MEGF9: variants seen among roughly 807,000 people sequenced by gnomAD.
The protein encoded by MEGF9 is multiple EGF like domains 9.
MEGF9 carries 6 observed loss-of-function variants against 46.8 expected under a neutral mutation model. That is an observed-to-expected ratio of 0.13 (90% CI 0.07 to 0.25). The LOEUF (loss-of-function observed/expected upper bound fraction) is 0.25, where lower values mean the gene tolerates loss of function less well. MEGF9 is among the 10% of genes least tolerant of loss of function. The pLI, the probability that MEGF9 is intolerant of heterozygous loss-of-function variation, is 1.00. For synonymous variants in MEGF9, 302 were observed against 330.7 expected (o/e 0.91, Z 0.94); for missense variants, 683 against 792.4 (o/e 0.86, Z 1.66).
chr9:120,690,820 A>G (rs950561791), intron 1 of MEGF9, among the ~76,000 whole-genome samples: 2 of 152,200 alleles, frequency 1.3e-5, no homozygotes, highest in Non-Finnish European at 2.9e-5. Flanking sequence ...GGAGGAGGGA[A>G]GTACTTTAAA....
At chr9:120,676,452 AT>A (rs896986987) in intron 1 of MEGF9, among the ~76,000 whole-genome samples, 48 of 151,764 alleles carry the variant, frequency 3.2e-4, no homozygotes, top group Admixed American at 8.5e-4. Flanking sequence ...TACAACTGTG[AT>A]TTTTTTTTCC....
chr9:120,714,254 G>C lies in MEGF9; in HGVS notation c.105C>G (p.Ala35=). 8.2e-7 allele frequency: 1 copy of C among 1,213,492 alleles called. No homozygotes were observed. Among genetic ancestry groups the C allele is most frequent in the Non-Finnish European group, 1.0e-6 (1 of 986,058 alleles). 75.2% of individuals were successfully genotyped at this position (1,213,492 alleles called of 1,614,324 possible). Reference sequence around the variant, plus strand: ...CACCGGTGACATTCCCCGCCGAGGCGGCTGAGGCGACGGCGGCGGCGGCGG... The same window carrying C: ...CACCGGTGACATTCCCCGCCGAGGCCGCTGAGGCGACGGCGGCGGCGGCGG... ...AAAAAAAVAS[A]ASAGNVTGGG... Residue 35 remains alanine, a synonymous_variant, in exon 1 of 6, where the codon GCC becomes GCG. Coordinates refer to ENST00000373930, the MANE Select transcript of MEGF9 (RefSeq NM_001080497.3).
In MEGF9 at chr9:120,651,556, A is replaced by G. The variant is rs370104760; in HGVS notation, c.803+7818T>C. 2.3e-4 allele frequency among the ~76,000 whole-genome samples: 35 copies of G among 152,316 alleles called. No individual in the cohort carries two copies. The East Asian group carries it at 5.2e-3, about 23-fold the overall frequency. On this transcript the variant is annotated intron_variant, in intron 2 of 5. Transcript: ENST00000373930. ...GTTGCTATGAAAATTACATAAATTA[A>G]TAACTGCAAAGGGCTTAGGATAATG... is the stretch of plus-strand genomic sequence containing the variant.
At chr9:120,700,507 C>T (rs1029024098) in intron 1 of MEGF9, among the ~76,000 whole-genome samples, 1 of 152,108 alleles carries the variant, frequency 6.6e-6, no homozygotes, top group Non-Finnish European at 1.5e-5. Context: ...TGATAAAACA[C>T]ACTGTAGGAT....
chr9:120,620,704 G>C (rs2043495613), intron 3 of MEGF9, among the ~76,000 whole-genome samples: 1 of 152,006 alleles, frequency 6.6e-6, no homozygotes, highest in Non-Finnish European at 1.5e-5. Context: ...AACCATTCTT[G>C]GCAGAGGAAA....
At chr9:120,620,631 G>A (rs568340058) in intron 3 of MEGF9, among the ~76,000 whole-genome samples, 3 of 152,232 alleles carry the variant, frequency 2.0e-5, no homozygotes, top group Non-Finnish European at 4.4e-5. Flanking sequence ...TTGACGACTC[G>A]AGGGAAGAAT....
chr9:120,659,502 C>G lies in MEGF9; in HGVS notation c.675G>C (p.Glu225Asp). The G allele has an allele frequency of 2.5e-6, 4 of 1,613,838 alleles. No homozygotes were observed. Among genetic ancestry groups the G allele is most frequent in the Non-Finnish European group, 3.4e-6 (4 of 1,179,830 alleles). Residue 225 changes from glutamate (E) to aspartate (D), a missense_variant, in exon 2 of 6, where the codon GAG (glutamate) becomes GAC (aspartate). Around this residue, in one of 2 missense-constraint regions of MEGF9, gnomAD observed 370 missense variants for 371.3 expected, o/e 1.00. Coordinates refer to ENST00000373930, the MANE Select transcript of MEGF9 (RefSeq NM_001080497.3). ...NRCNQTTGQC[E>D]CRPGYQGLHC... The stretch of plus-strand genomic sequence containing the variant: ...GAAGCCCCTGATAACCTGGCCGACA[C>G]TCACACTGCCCTGTGGTCTGGTTGC...
At chr9:120,621,037 G>C (rs893040586) in intron 3 of MEGF9, among the ~76,000 whole-genome samples, 5 of 151,754 alleles carry the variant, frequency 3.3e-5, no homozygotes, top group African/African-American at 4.8e-5. Flanking sequence ...TGTTTGTTTG[G>C]GAAAAAAAAT....
chr9:120,648,706 A>T (rs1331339311), intron 2 of MEGF9, among the ~76,000 whole-genome samples: 1 of 152,226 alleles, frequency 6.6e-6, no homozygotes, highest in Non-Finnish European at 1.5e-5. Flanking sequence ...CTAGTGATCA[A>T]ATAACCTTTT....
intron 1 of MEGF9, among the ~76,000 whole-genome samples, chr9:120,692,481 A>G (rs2043853773): frequency 6.6e-6 from 1 of 152,206 alleles, no homozygotes; most frequent in South Asian, 2.1e-4. Flanking sequence ...ATGATCATTT[A>G]CACTTATAGA....
chr9:120,610,528 T>C (rs2132298252), intron 4 of MEGF9, among the ~76,000 whole-genome samples: 1 of 152,322 alleles, frequency 6.6e-6, no homozygotes, highest in African/African-American at 2.4e-5. Flanking sequence ...TACTGATATT[T>C]TTATCTGAAA....
Position 120,634,542 on chromosome 9 carries a change from C to T in MEGF9, c.804-11787G>A, listed in dbSNP as rs558125904. ...CAATCTTGGCTCACTGCAGGCTCCG[C>T]CCCCTGGGGTTCACGCCATTCTCCT... On this transcript the variant is annotated intron_variant, in intron 2 of 5. Transcript: ENST00000373930. Among the ~76,000 whole-genome samples, 75 of 126,184 alleles carry T rather than the reference C, an allele frequency of 5.9e-4. 1 individual carries two copies. Among genetic ancestry groups the T allele is most frequent in the Admixed American group, 1.1e-3 (14 of 12,314 alleles). 82.8% of individuals were successfully genotyped at this position (126,184 alleles called of 152,430 possible).
At chr9:120,616,550 G>A (rs974558111) in intron 3 of MEGF9, among the ~76,000 whole-genome samples, 2 of 151,908 alleles carry the variant, frequency 1.3e-5, no homozygotes, top group Non-Finnish European at 2.9e-5. Context: ...ATGGTGGTGG[G>A]TGCCTGTAGT....
At chr9:120,693,275 CA>C (rs10633158) in intron 1 of MEGF9, among the ~76,000 whole-genome samples, 107 of 104,468 alleles carry the variant, frequency 1.0e-3, no homozygotes, top group East Asian at 3.0e-3. Context: ...TCTGGTTAAC[CA>C]AAAAAAAAAA....
At chr9:120,701,510 G>C (rs1026067887) in intron 1 of MEGF9, among the ~76,000 whole-genome samples, 4 of 151,990 alleles carry the variant, frequency 2.6e-5, no homozygotes, top group African/African-American at 4.8e-5. Flanking sequence ...TGTCTCCCTG[G>C]CAAGGTATCA....
intron 4 of MEGF9, 129 bp downstream of exon 4, chr9:120,612,267 A>G (rs1271683843): frequency 6.4e-6 from 5 of 780,588 alleles, no homozygotes; most frequent in Non-Finnish European, 9.5e-6. Flanking sequence ...CTGGAAAGGA[A>G]AACTTTTGCT....
At chr9:120,606,304 G>A (rs529236846) in intron 5 of MEGF9, among the ~76,000 whole-genome samples, 1 of 152,084 alleles carries the variant, frequency 6.6e-6, no homozygotes, top group South Asian at 2.1e-4. Context: ...AAATCACATA[G>A]TTAAAAGTAA....
At chr9:120,618,419 T>C (rs1393428634) in intron 3 of MEGF9, among the ~76,000 whole-genome samples, 1 of 152,252 alleles carries the variant, frequency 6.6e-6, no homozygotes, top group African/African-American at 2.4e-5. Context: ...TTACTCATCA[T>C]GGGACACTAT....
chr9:120,636,213 C>A (rs918089322), intron 2 of MEGF9, among the ~76,000 whole-genome samples: 4 of 152,208 alleles, frequency 2.6e-5, no homozygotes, highest in African/African-American at 7.2e-5. Flanking sequence ...GCTGGGATTA[C>A]AGGCTTGAGC....
Sources: gnomAD v4.1 joint callset for allele counts (sites outside exome capture counted in the v4.1 genomes callset) on GRCh38, gnomAD v4.1.1 for gene constraint, gnomAD v4.1.1 regional missense constraint, MANE v1.5 for transcripts, NCBI Gene and HGNC (gene_info 2026-07-23, HGNC 2026-07-21) for gene names.